The following SYT1 variants were observed in gnomAD, a reference collection of about 807,000 sequenced individuals.
The protein encoded by SYT1 is synaptotagmin-1.
A neutral mutation model predicts 44.8 loss-of-function variants in SYT1; 8 were observed. The observed-to-expected ratio is 0.18, with a 90% CI of 0.10 to 0.32. The LOEUF (loss-of-function observed/expected upper bound fraction) is 0.32, where lower values mean the gene tolerates loss of function less well. Ranked by LOEUF, SYT1 falls within the 10% of genes least tolerant of loss-of-function variation. The probability of loss-of-function intolerance (pLI) is 1.00; values close to 1 mark genes in which losing one functional copy is unlikely to be tolerated. For synonymous variants in SYT1, 154 were observed against 188.8 expected, an observed-to-expected ratio of 0.82 and a Z score of 1.51; for missense variants, 286 against 509.3, an observed-to-expected ratio of 0.56 and a Z score of 4.22.
At chr12:78,886,769 G>A (rs531391659) in intron 1 of SYT1, among the ~76,000 whole-genome samples, 1 of 152,038 alleles carries the variant, frequency 6.6e-6, no homozygotes, top group South Asian at 2.1e-4. Context: ...GGAGAAAAGT[G>A]TATGATAGTG....
At chr12:79,272,028 C>A (rs898405557) in intron 4 of SYT1, among the ~76,000 whole-genome samples, 3 of 151,932 alleles carry the variant, frequency 2.0e-5, no homozygotes, top group Non-Finnish European at 4.4e-5. Flanking sequence ...CAGATGTATC[C>A]GATATTTTTA....
intron 3 of SYT1, among the ~76,000 whole-genome samples, chr12:79,049,663 A>G (rs984535791): frequency 3.9e-4 from 59 of 151,970 alleles, no homozygotes; most frequent in African/African-American, 1.1e-3. Context: ...GATGAATATA[A>G]TAGATAATAC....
intron 3 of SYT1, among the ~76,000 whole-genome samples, chr12:79,166,252 G>A (rs1592810152): frequency 6.6e-6 from 1 of 152,018 alleles, no homozygotes; most frequent in East Asian, 1.9e-4. Flanking sequence ...CCAATTGTCA[G>A]AGTCAGTCTG....
intron 1 of SYT1, among the ~76,000 whole-genome samples, chr12:78,974,971 G>T (rs922714557): frequency 2.0e-5 from 3 of 151,928 alleles, no homozygotes; most frequent in African/African-American, 4.8e-5. Context: ...CATCCTCCGT[G>T]TTTCTCTAAA....
At chr12:78,868,737 A>T (rs1039767771) in intron 1 of SYT1, 5 of 151,810 alleles carry the variant, frequency 3.3e-5, no homozygotes, top group Non-Finnish European at 7.4e-5. Context: ...GTGTCTTAGG[A>T]ATGCTTTTAA....
At chr12:79,336,628 C>G (rs539099115) in intron 8 of SYT1, among the ~76,000 whole-genome samples, 1 of 151,888 alleles carries the variant, frequency 6.6e-6, no homozygotes, top group African/African-American at 2.4e-5. Context: ...TAACACTGCA[C>G]TCATTCATTC....
At chr12:79,281,834 A>G (rs1289747947) in intron 4 of SYT1, among the ~76,000 whole-genome samples, 1 of 152,182 alleles carries the variant, frequency 6.6e-6, no homozygotes, top group East Asian at 1.9e-4. Context: ...TTACTGTCAT[A>G]AAAGCCACAC....
intron 9 of SYT1, among the ~76,000 whole-genome samples, chr12:79,439,179 G>A (rs530016784): frequency 1.3e-5 from 2 of 152,220 alleles, no homozygotes; most frequent in South Asian, 4.1e-4. Context: ...CTGGAAAGAA[G>A]CTCAGTAAAT....
intron 7 of SYT1, among the ~76,000 whole-genome samples, chr12:79,297,354 C>T (rs374327482): frequency 3.3e-5 from 5 of 152,000 alleles, no homozygotes; most frequent in South Asian, 2.1e-4. Context: ...CAACATACTA[C>T]GAAACGTAAA....
intron 9 of SYT1, among the ~76,000 whole-genome samples, chr12:79,414,013 G>A (rs1475180136): frequency 6.6e-6 from 1 of 152,124 alleles, no homozygotes; most frequent in East Asian, 1.9e-4. Context: ...CTCACCTGGA[G>A]TACACCCCAA....
rs1870971308 is a variant in SYT1 at position 79,450,150 on chromosome 12, C to T, written c.*1026C>T. 2.0e-5 allele frequency: 3 copies of T among 152,366 alleles called. No homozygotes were observed. Among genetic ancestry groups the T allele is most frequent in the African/African-American group, 7.3e-5 (3 of 41,374 alleles). 9.4% of individuals were successfully genotyped at this position (152,366 alleles called of 1,614,324 possible). On this transcript the variant is annotated 3_prime_UTR_variant, in exon 11 of 11. Transcript: ENST00000261205. ...AAGGTTTGCACATTAGAGTTTGTAA[C>T]AAAATATTTTATTATATAAAACCAG...
chr12:79,341,465 G>A (rs920494525), intron 8 of SYT1: 4 of 151,976 alleles, frequency 2.6e-5, no homozygotes, highest in Non-Finnish European at 5.9e-5. Context: ...GGGGGACTGG[G>A]TCTAGGAGTG....
At chr12:79,358,966 TG>T (rs1467859597) in intron 9 of SYT1, among the ~76,000 whole-genome samples, 1 of 152,182 alleles carries the variant, frequency 6.6e-6, no homozygotes, top group Non-Finnish European at 1.5e-5. Context: ...TTGCTTCACT[TG>T]TGGTTTCTGG....
intron 1 of SYT1, among the ~76,000 whole-genome samples, chr12:78,935,723 G>T (rs1374156575): frequency 6.6e-6 from 1 of 151,924 alleles, no homozygotes; most frequent in African/African-American, 2.4e-5. Flanking sequence ...GCCAATGAAA[G>T]GCTCTTAGAT....
chr12:79,128,696 G>A (rs1868603273), intron 3 of SYT1, among the ~76,000 whole-genome samples: 1 of 152,216 alleles, frequency 6.6e-6, no homozygotes, highest in Non-Finnish European at 1.5e-5. Flanking sequence ...GTTGATGGGT[G>A]CAACAAACCA....
At chr12:79,381,974 C>G (rs982899788) in intron 9 of SYT1, among the ~76,000 whole-genome samples, 1 of 152,136 alleles carries the variant, frequency 6.6e-6, no homozygotes, top group Admixed American at 6.6e-5. Flanking sequence ...TAGGTTTTTA[C>G]GTGAGAATGG....
At chr12:79,153,934 T>C (rs575946762) in intron 3 of SYT1, among the ~76,000 whole-genome samples, 2 of 152,218 alleles carry the variant, frequency 1.3e-5, no homozygotes, top group East Asian at 3.9e-4. Flanking sequence ...TATTTTACAG[T>C]CAGAGAAATT....
chr12:78,909,854 T>C (rs1403654573), intron 1 of SYT1, among the ~76,000 whole-genome samples: 3 of 151,938 alleles, frequency 2.0e-5, no homozygotes, highest in Non-Finnish European at 4.4e-5. Context: ...CTTCAAAGTG[T>C]CAAGTACCAC....
intron 9 of SYT1, among the ~76,000 whole-genome samples, chr12:79,427,837 A>G (rs779267907): frequency 6.6e-6 from 1 of 152,214 alleles, no homozygotes; most frequent in Admixed American, 6.5e-5. Flanking sequence ...GAGGTAGAGC[A>G]GGAGCCAGAT....
Sources: gnomAD v4.1 joint callset for allele counts (sites outside exome capture counted in the v4.1 genomes callset) on GRCh38, gnomAD v4.1.1 for gene constraint, MANE v1.5 for transcripts, NCBI Gene and HGNC (gene_info 2026-07-23, HGNC 2026-07-21) for gene names.